The following KANSL1L variants were observed in gnomAD, a reference collection of about 807,000 sequenced individuals.
KANSL1L encodes the protein KAT8 regulatory NSL complex subunit 1-like protein.
KANSL1L carries 25 observed loss-of-function variants against 108.6 expected under a neutral mutation model. The observed-to-expected ratio is 0.23, with a 90% CI of 0.17 to 0.32. The LOEUF (loss-of-function observed/expected upper bound fraction) is 0.32. Ranked by LOEUF, KANSL1L falls within the 10% of genes least tolerant of loss-of-function variation. KANSL1L has a pLI of 1.00. For missense variants in KANSL1L, 1,137 were observed against 1,125.7 expected (o/e 1.01, Z -0.14); for synonymous variants, 405 against 395.1 (o/e 1.03, Z -0.30).
intron 6 of KANSL1L, among the ~76,000 whole-genome samples, chr2:210,055,343 C>T (rs1004797324): frequency 5.3e-5 from 8 of 152,132 alleles, no homozygotes; most frequent in African/African-American, 1.4e-4. Flanking sequence ...AGTGTGAGAA[C>T]GGACTAACAC....
intron 8 of KANSL1L, among the ~76,000 whole-genome samples, chr2:210,036,051 C>CAATT (rs971119799): frequency 2.8e-4 from 43 of 152,180 alleles, no homozygotes; most frequent in African/African-American, 1.0e-3. Flanking sequence ...CTGTAAATTC[C>CAATT]AATTAAGTAG....
chr2:210,062,569 A>C (rs1437625649), intron 6 of KANSL1L, among the ~76,000 whole-genome samples: 1 of 152,196 alleles, frequency 6.6e-6, no homozygotes, highest in Non-Finnish European at 1.5e-5. Context: ...AATACTGATC[A>C]TGATATGGAC....
rs77944955 is a variant in KANSL1L at position 210,082,231 on chromosome 2, A to G, written c.1551-6475T>C. Among the ~76,000 whole-genome samples the G allele has an allele frequency of 4.7e-3, 716 of 152,354 alleles. 3 individuals carry two copies. The highest frequency in any genetic ancestry group is 0.016 in the African/African-American group (664 of 41,590). ...ATTTTGATGAAATACTGTAATGCTG[A>G]TAATTTGTAAGGATGCATTTACCAT... On this transcript the variant is annotated intron_variant, in intron 5 of 14. Coordinates refer to ENST00000281772, the MANE Select transcript of KANSL1L (RefSeq NM_152519.4).
intron 5 of KANSL1L, among the ~76,000 whole-genome samples, chr2:210,086,491 TA>T (rs57685611): frequency 0.018 from 2,496 of 141,082 alleles, 34 homozygotes; most frequent in Non-Finnish European, 0.024. Context: ...TTAATAAAGC[TA>T]AAAAAAAAAA....
intron 8 of KANSL1L, 99 bp from the exon 9 acceptor site, chr2:210,031,645 C>T (rs2094017684): frequency 1.4e-6 from 1 of 707,322 alleles, no homozygotes; most frequent in Non-Finnish European, 2.2e-6. Context: ...TTTTAAGATA[C>T]CAGTTCAAAA....
intron 2 of KANSL1L, among the ~76,000 whole-genome samples, chr2:210,132,976 TTTTAACGTAAGG>T (rs1233065844): frequency 6.6e-6 from 1 of 152,208 alleles, no homozygotes; most frequent in African/African-American, 2.4e-5. Flanking sequence ...TAATTTTTCT[TTTTAACGTAAGG>T]TTTTTCAGGT....
intron 5 of KANSL1L, among the ~76,000 whole-genome samples, chr2:210,079,652 A>ATATATATGTATGTG (rs2094571440): frequency 5.0e-5 from 1 of 20,172 alleles, no homozygotes; most frequent in African/African-American, 1.5e-4. Flanking sequence ...ATATATATAT[A>ATATATATGTATGTG]TATATATATA....
In KANSL1L at chr2:210,028,882, A is replaced by G; in HGVS notation, c.2359T>C (p.Leu787=). 1 of 1,600,436 alleles carries G rather than the reference A, an allele frequency of 6.2e-7. No individual in the cohort carries two copies. The highest frequency in any genetic ancestry group is 1.1e-5 in the South Asian group (1 of 90,444). The change falls in exon 11 of 15, where the codon TTA becomes CTA. Residue 787 remains leucine (L), a synonymous_variant. Coordinates refer to ENST00000281772, the MANE Select transcript of KANSL1L (RefSeq NM_152519.4). The stretch of plus-strand genomic sequence containing the variant: ...ATTTCCTTATATTGGAGTTTCTCTA[A>G]TTTAGCTGGGGCTACTAATGACATG... ...IPMSLVAPAK[L]EKLQYKEILT... is the part of the protein sequence containing the mutation.
At chr2:210,030,499 CTT>C (rs34540957) in intron 9 of KANSL1L, among the ~76,000 whole-genome samples, 6 of 118,140 alleles carry the variant, frequency 5.1e-5, no homozygotes, top group African/African-American at 1.0e-4. Flanking sequence ...CTTCCAAGTT[CTT>C]TTTTTTTTTT....
chr2:210,111,865 TA>T, intron 3 of KANSL1L, among the ~76,000 whole-genome samples: 2 of 152,094 alleles, frequency 1.3e-5, no homozygotes, highest in African/African-American at 4.8e-5. Flanking sequence ...GTATACCTCC[TA>T]AAGCTCTCGC....
chr2:210,046,752 C>T (rs1395297109), intron 6 of KANSL1L, among the ~76,000 whole-genome samples: 1 of 152,104 alleles, frequency 6.6e-6, no homozygotes, highest in Middle Eastern at 3.2e-3. Context: ...CTGTGGCTCT[C>T]CTAGGCTAGA....
chr2:210,107,690 G>A (rs1377011478), intron 3 of KANSL1L, among the ~76,000 whole-genome samples: 2 of 151,492 alleles, frequency 1.3e-5, no homozygotes, highest in South Asian at 2.1e-4. Flanking sequence ...CACCACGCCC[G>A]GCTAATTTTT....
chr2:210,132,430 T>G, intron 2 of KANSL1L, among the ~76,000 whole-genome samples: 1 of 152,104 alleles, frequency 6.6e-6, no homozygotes. Context: ...TCCCTATCTC[T>G]AGTAAAGATC....
chr2:210,038,193 C>T (rs989456844), intron 8 of KANSL1L, among the ~76,000 whole-genome samples: 11 of 151,666 alleles, frequency 7.3e-5, no homozygotes, highest in African/African-American at 1.9e-4. Context: ...AATACAGTTG[C>T]GAAAAAAGCT....
chr2:210,075,846 C>T (rs2094538455), intron 5 of KANSL1L, 90 bp from the exon 6 acceptor site: 1 of 945,554 alleles, frequency 1.1e-6, no homozygotes. Context: ...ATGTAAATTG[C>T]CTTGATCTAT....
At chr2:210,121,577 C>G (rs2095021315) in intron 3 of KANSL1L, among the ~76,000 whole-genome samples, 1 of 152,046 alleles carries the variant, frequency 6.6e-6, no homozygotes, top group East Asian at 1.9e-4. Flanking sequence ...ATGAAATAAT[C>G]TGAACAACAA....
At chr2:210,149,961 C>T (rs2095290906) in intron 2 of KANSL1L, among the ~76,000 whole-genome samples, 1 of 150,682 alleles carries the variant, frequency 6.6e-6, no homozygotes, top group African/African-American at 2.4e-5. Flanking sequence ...ATATAAAGAG[C>T]TGTTACATAA....
At chr2:210,051,553 A>G (rs999767936) in intron 6 of KANSL1L, among the ~76,000 whole-genome samples, 2 of 152,184 alleles carry the variant, frequency 1.3e-5, no homozygotes, top group Non-Finnish European at 2.9e-5. Flanking sequence ...TGGATTTTCT[A>G]TGAAATTACT....
chr2:210,169,896 T>C (rs544503689), intron 1 of KANSL1L, among the ~76,000 whole-genome samples: 2 of 152,368 alleles, frequency 1.3e-5, no homozygotes, highest in African/African-American at 4.8e-5. Flanking sequence ...TACTTGGCAA[T>C]TGGTAGAGAT....
Sources: gnomAD v4.1 joint callset for allele counts (sites outside exome capture counted in the v4.1 genomes callset) on GRCh38, gnomAD v4.1.1 for gene constraint, MANE v1.5 for transcripts, NCBI Gene and HGNC (gene_info 2026-07-23, HGNC 2026-07-21) for gene names.